CACNA2D1: variants seen among roughly 807,000 people sequenced by gnomAD.
The protein encoded by CACNA2D1 is voltage-dependent calcium channel subunit alpha-2/delta-1.
Under a neutral mutation model 171.5 loss-of-function variants are expected in CACNA2D1, and 53 were observed. The observed-to-expected ratio is 0.31, with a 90% CI of 0.25 to 0.39. The LOEUF (loss-of-function observed/expected upper bound fraction) is 0.39. CACNA2D1 is among the 10% of genes least tolerant of loss of function. CACNA2D1 has a pLI of 1.00. For missense variants in CACNA2D1, 903 were observed against 1,299.8 expected, an observed-to-expected ratio of 0.69 and a Z score of 4.69; for synonymous variants, 442 against 443.1, an observed-to-expected ratio of 1.00 and a Z score of 0.03.
intron 3 of CACNA2D1, among the ~76,000 whole-genome samples, chr7:82,263,995 C>T (rs1255691314): frequency 2.0e-5 from 3 of 151,920 alleles, no homozygotes; most frequent in Non-Finnish European, 4.4e-5. Flanking sequence ...TTATGTAGGC[C>T]GTCACCGTTT....
chr7:82,288,129 C>G (rs950979861), intron 3 of CACNA2D1, among the ~76,000 whole-genome samples: 1 of 151,892 alleles, frequency 6.6e-6, no homozygotes, highest in Non-Finnish European at 1.5e-5. Flanking sequence ...CGTGAGCCAC[C>G]GCGCCCGGCC....
At chr7:82,426,132 AAAATATATAAAT>A (rs1160420263) in intron 1 of CACNA2D1, among the ~76,000 whole-genome samples, 1 of 104,292 alleles carries the variant, frequency 9.6e-6, no homozygotes, top group Non-Finnish European at 1.9e-5. Context: ...CTCTGCTTCA[AAAATATATAAAT>A]AAATAAATAA....
chr7:82,201,637 A>G (rs1222558689), intron 3 of CACNA2D1, among the ~76,000 whole-genome samples: 2 of 152,180 alleles, frequency 1.3e-5, no homozygotes, highest in African/African-American at 2.4e-5. Flanking sequence ...TCTCTAAAGA[A>G]TGACCCTCAG....
chr7:82,030,723 T>C lies in CACNA2D1; in HGVS notation c.1143+2074A>G, dbSNP rs146280214. Reference sequence around the variant, plus strand: ...AAATGATATAAGTAGTGGCTTGCACTTATATACTTCTATCACAAAATAGTA... The same window carrying C: ...AAATGATATAAGTAGTGGCTTGCACCTATATACTTCTATCACAAAATAGTA... On this transcript the variant is annotated intron_variant, in intron 12 of 38. Coordinates refer to ENST00000356860, the MANE Select transcript of CACNA2D1 (RefSeq NM_000722.4). Among the ~76,000 whole-genome samples the C allele has an allele frequency of 8.8e-3, 1,335 of 152,018 alleles. 8 individuals are homozygous for C. The highest frequency in any genetic ancestry group is 0.014 in the Middle Eastern group (4 of 294).
intron 10 of CACNA2D1, among the ~76,000 whole-genome samples, chr7:82,051,567 T>G (rs747804934): frequency 1.3e-5 from 2 of 152,150 alleles, no homozygotes; most frequent in African/African-American, 4.8e-5. Context: ...CTTAACATAA[T>G]CATAACATGT....
chr7:82,101,948 G>A (rs1351952604), intron 6 of CACNA2D1, among the ~76,000 whole-genome samples: 2 of 152,102 alleles, frequency 1.3e-5, no homozygotes, highest in Non-Finnish European at 2.9e-5. Flanking sequence ...ATAAATTGGA[G>A]ATATTATTTC....
intron 4 of CACNA2D1, among the ~76,000 whole-genome samples, chr7:82,159,026 C>A (rs929572718): frequency 2.0e-5 from 3 of 151,692 alleles, no homozygotes; most frequent in Admixed American, 6.6e-5. Context: ...ATCATATTTT[C>A]TTTTCTTCAT....
chr7:82,051,543 C>A (rs1190020344), intron 10 of CACNA2D1, among the ~76,000 whole-genome samples: 1 of 152,032 alleles, frequency 6.6e-6, no homozygotes, highest in African/African-American at 2.4e-5. Flanking sequence ...ACGAGGAAAA[C>A]TGACTCAAAG....
chr7:82,157,711 A>C (rs1269734264), intron 4 of CACNA2D1, among the ~76,000 whole-genome samples: 1 of 152,066 alleles, frequency 6.6e-6, no homozygotes. Context: ...AAAAGAATTT[A>C]GCAATAGGGC....
At chr7:82,232,615 A>C (rs947070701) in intron 3 of CACNA2D1, among the ~76,000 whole-genome samples, 10 of 151,906 alleles carry the variant, frequency 6.6e-5, no homozygotes, top group East Asian at 1.9e-4. Flanking sequence ...CCTGTAATCC[A>C]AGCACTTTGG....
At chr7:82,115,753 A>T (rs1224054885) in intron 6 of CACNA2D1, among the ~76,000 whole-genome samples, 2 of 151,878 alleles carry the variant, frequency 1.3e-5, no homozygotes, top group Non-Finnish European at 2.9e-5. Flanking sequence ...TAAAAAAAAA[A>T]AGCTCATATA....
chr7:81,982,421 A>G (rs571959185), intron 24 of CACNA2D1, 146 bp downstream of exon 24: 8 of 643,068 alleles, frequency 1.2e-5, no homozygotes, highest in Admixed American at 2.6e-5. Flanking sequence ...ATAAATAAAG[A>G]TTTTGTTTCA....
chr7:82,017,235 C>T (rs1800601845), intron 12 of CACNA2D1, among the ~76,000 whole-genome samples: 1 of 151,922 alleles, frequency 6.6e-6, no homozygotes, highest in African/African-American at 2.4e-5. Flanking sequence ...TAATATAAGT[C>T]ATTCAAAACT....
chr7:82,189,045 A>G (rs1798039479), intron 3 of CACNA2D1, among the ~76,000 whole-genome samples: 2 of 152,026 alleles, frequency 1.3e-5, no homozygotes, highest in Non-Finnish European at 2.9e-5. Context: ...GAGGGTGAAG[A>G]TAGAAAAAGT....
rs114525918 is a variant in CACNA2D1 at position 82,226,587 on chromosome 7, C to T, written c.295-55978G>A. On this transcript the variant is annotated intron_variant, in intron 3 of 38. Coordinates refer to ENST00000356860, the MANE Select transcript of CACNA2D1 (RefSeq NM_000722.4). ...AATTGAGCCACAGAACCATTGGTGT[C>T]GGCCTCCTGAGTACAGAAGAGGAGG... is the stretch of plus-strand genomic sequence containing the variant. Among the ~76,000 whole-genome samples, 946 of 152,162 alleles carry T rather than the reference C, an allele frequency of 6.2e-3. 11 individuals are homozygous for T. The highest frequency in any genetic ancestry group is 0.022 in the African/African-American group (898 of 41,506).
At chr7:82,432,145 G>A (rs939072728) in intron 1 of CACNA2D1, among the ~76,000 whole-genome samples, 1 of 151,510 alleles carries the variant, frequency 6.6e-6, no homozygotes, top group African/African-American at 2.4e-5. Flanking sequence ...AAGAATGATT[G>A]TTAGTAATTA....
intron 2 of CACNA2D1, among the ~76,000 whole-genome samples, chr7:82,338,334 TAA>T (rs928343438): frequency 4.5e-4 from 68 of 149,534 alleles, no homozygotes; most frequent in African/African-American, 1.4e-3. Flanking sequence ...ATTTTTTATT[TAA>T]AAAAAAAAGT....
chr7:82,388,224 C>T (rs1824651709), intron 1 of CACNA2D1, among the ~76,000 whole-genome samples: 1 of 152,094 alleles, frequency 6.6e-6, no homozygotes, highest in African/African-American at 2.4e-5. Context: ...CACTTGAATG[C>T]TACAAATTAG....
chr7:82,079,244 C>G (rs191979245), intron 7 of CACNA2D1, among the ~76,000 whole-genome samples: 3 of 152,284 alleles, frequency 2.0e-5, no homozygotes, highest in East Asian at 3.9e-4. Context: ...ATTCTCTTAA[C>G]AATTATACCA....
Sources: gnomAD v4.1 joint callset for allele counts (sites outside exome capture counted in the v4.1 genomes callset) on GRCh38, gnomAD v4.1.1 for gene constraint, MANE v1.5 for transcripts, NCBI Gene and HGNC (gene_info 2026-07-23, HGNC 2026-07-21) for gene names.